The following CASK variants were observed in gnomAD, a reference collection of about 807,000 sequenced individuals.
CASK encodes the protein peripheral plasma membrane protein CASK.
In CASK, 4 loss-of-function variants were observed where a neutral mutation model predicts 82.9. That is an observed-to-expected ratio of 0.05 (90% confidence interval 0.02 to 0.11). The LOEUF (loss-of-function observed/expected upper bound fraction) is 0.11, where lower values mean the gene tolerates loss of function less well. Ranked by LOEUF, CASK falls within the 10% of genes least tolerant of loss-of-function variation. The probability of loss-of-function intolerance (pLI) is 1.00; values close to 1 mark genes in which losing one functional copy is unlikely to be tolerated. For synonymous variants in CASK, 259 were observed against 253.5 expected, an observed-to-expected ratio of 1.02 and a Z score of -0.20; for missense variants, 358 against 720.9, an observed-to-expected ratio of 0.50 and a Z score of 5.76.
chrX:41,610,574 T>C (rs1247587035), intron 11 of CASK, among the ~76,000 whole-genome samples: 2 of 111,560 alleles, frequency 1.8e-5, no homozygotes, highest in Non-Finnish European at 3.8e-5. Flanking sequence ...TTCCTTTACA[T>C]ACAGACTCAA....
intron 17 of CASK, among the ~76,000 whole-genome samples, chrX:41,560,488 TC>T (rs2065213578): frequency 9.5e-6 from 1 of 105,678 alleles, no homozygotes. Flanking sequence ...GGTCTCAAAC[TC>T]CCGACTTCAG....
At chrX:41,898,313 T>TTTTA (rs1175377900) in intron 1 of CASK, among the ~76,000 whole-genome samples, 1 of 111,924 alleles carries the variant, frequency 8.9e-6, no homozygotes, top group Non-Finnish European at 1.9e-5. Context: ...GCAATGTCTC[T>TTTTA]TTTATTTATA....
intron 1 of CASK, among the ~76,000 whole-genome samples, chrX:41,918,827 C>T (rs1404861214): frequency 8.9e-6 from 1 of 112,226 alleles, no homozygotes; most frequent in Non-Finnish European, 1.9e-5. Context: ...CCAATGATTC[C>T]TCATTATAGC....
chrX:41,856,046 ACAC>A (rs1346741021), intron 1 of CASK, among the ~76,000 whole-genome samples: 1 of 112,301 alleles, frequency 8.9e-6, no homozygotes, highest in African/African-American at 3.2e-5. Context: ...CCCTATGCAG[ACAC>A]AGACTAATAT....
rs1322248145 is a variant in CASK, at chrX:41,809,117, G to A, written c.173-21834C>T. Among the ~76,000 whole-genome samples the A allele has an allele frequency of 8.9e-5, 10 of 112,428 alleles. No homozygotes were observed. In the East Asian group the frequency reaches 2.2e-3, roughly 25 times the overall value. ...AAGCTCAAACTGGGTGGAGCCCACC[G>A]CAGCTCAAGGAGGCCTTCCTGCCTC... On this transcript the variant is annotated intron_variant, in intron 2 of 26. Transcript: ENST00000378163.
At chrX:41,561,049 T>A (rs2065221430) in intron 17 of CASK, among the ~76,000 whole-genome samples, 1 of 111,445 alleles carries the variant, frequency 9.0e-6, no homozygotes, top group African/African-American at 3.3e-5. Flanking sequence ...AGGCAAAGGC[T>A]GTCATTTTGC....
intron 8 of CASK, among the ~76,000 whole-genome samples, chrX:41,642,084 T>C (rs973987689): frequency 4.5e-5 from 5 of 111,005 alleles, no homozygotes; most frequent in African/African-American, 1.3e-4. Context: ...CTCACCCTTT[T>C]TTAAGGTTGC....
At chrX:41,886,553 G>T (rs1288257695) in intron 1 of CASK, among the ~76,000 whole-genome samples, 1 of 111,810 alleles carries the variant, frequency 8.9e-6, no homozygotes, top group African/African-American at 3.2e-5. Context: ...CATATATGCA[G>T]ATATTGCAAC....
chrX:41,647,345 T>A, intron 8 of CASK, among the ~76,000 whole-genome samples: 1 of 112,265 alleles, frequency 8.9e-6, no homozygotes, highest in Non-Finnish European at 1.9e-5. Context: ...TCATTAGACA[T>A]AATTAAAGAA....
intron 2 of CASK, 134 bp downstream of exon 2, chrX:41,852,981 A>G (rs1034777528): frequency 6.0e-6 from 3 of 499,882 alleles, no homozygotes; most frequent in Non-Finnish European, 1.1e-5. Context: ...TAGAGTTTAA[A>G]CTGTCTCCAC....
intron 4 of CASK, among the ~76,000 whole-genome samples, chrX:41,741,650 C>T (rs947373143): frequency 1.8e-5 from 2 of 111,875 alleles, no homozygotes; most frequent in African/African-American, 6.5e-5. Context: ...AGAATCTTTG[C>T]GGCGTGTGTG....
At chrX:41,892,202 C>A (rs1020010246) in intron 1 of CASK, among the ~76,000 whole-genome samples, 1 of 107,596 alleles carries the variant, frequency 9.3e-6, no homozygotes, top group African/African-American at 3.4e-5. Flanking sequence ...CAAAAAAAGA[C>A]ACAAAATAGT....
chrX:41,880,165 A>C (rs2071921651), intron 1 of CASK, among the ~76,000 whole-genome samples: 1 of 111,625 alleles, frequency 9.0e-6, no homozygotes, highest in African/African-American at 3.3e-5. Flanking sequence ...TTTTCTCAGC[A>C]CTTCTAAAAG....
At chrX:41,813,402 C>A (rs985824238) in intron 2 of CASK, among the ~76,000 whole-genome samples, 1 of 110,828 alleles carries the variant, frequency 9.0e-6, no homozygotes, top group African/African-American at 3.3e-5. Context: ...AGATATAGAC[C>A]AATGGAACAG....
intron 9 of CASK, among the ~76,000 whole-genome samples, chrX:41,631,640 G>A (rs1481993012): frequency 9.2e-6 from 1 of 109,209 alleles, no homozygotes; most frequent in African/African-American, 3.3e-5. Context: ...AGCTAATTTT[G>A]TATTTTTTTT....
intron 16 of CASK, among the ~76,000 whole-genome samples, chrX:41,569,438 T>A (rs1396076868): frequency 9.0e-6 from 1 of 111,651 alleles, no homozygotes; most frequent in African/African-American, 3.3e-5. Context: ...AAGATGATTT[T>A]AAAAGATTCT....
chrX:41,921,492 G>A (rs1447667296), intron 1 of CASK, among the ~76,000 whole-genome samples: 1 of 112,029 alleles, frequency 8.9e-6, no homozygotes, highest in Non-Finnish European at 1.9e-5. Context: ...GTGGCTACTA[G>A]AAAATTTTAA....
intron 3 of CASK, among the ~76,000 whole-genome samples, chrX:41,769,803 G>T (rs1305970286): frequency 1.8e-5 from 2 of 110,433 alleles, no homozygotes; most frequent in Non-Finnish European, 3.8e-5. Context: ...AAATTAAGTG[G>T]CTGTGGTGGT....
intron 15 of CASK, among the ~76,000 whole-genome samples, chrX:41,571,200 C>CT (rs748756805): frequency 3.6e-5 from 4 of 110,781 alleles, no homozygotes; most frequent in African/African-American, 1.3e-4. Flanking sequence ...GGAAAAATTC[C>CT]TTTTTTTTCA....
Sources: allele counts gnomAD v4.1 joint callset (sites outside exome capture counted in the v4.1 genomes callset), GRCh38; gene constraint gnomAD v4.1.1; transcripts MANE v1.5; gene names NCBI Gene and HGNC (gene_info 2026-07-23, HGNC 2026-07-21).